The following FER1L6 variants were observed in gnomAD, a reference collection of about 807,000 sequenced individuals.
The protein encoded by FER1L6 is fer-1 like family member 6.
In FER1L6, 177 loss-of-function variants were observed where a neutral mutation model predicts 219.2. The observed-to-expected ratio is 0.81, with a 90% CI of 0.71 to 0.91. FER1L6 has a LOEUF of 0.91. Ranked by LOEUF, FER1L6 falls within the 40% of genes least tolerant of loss-of-function variation. FER1L6 has a pLI of 0.00. For synonymous variants in FER1L6, 768 were observed against 824.3 expected, an observed-to-expected ratio of 0.93 and a Z score of 1.17; for missense variants, 2,153 against 2,259.9, an observed-to-expected ratio of 0.95 and a Z score of 0.96.
At chr8:123,893,124 C>T (rs1183967191) in intron 1 of FER1L6, among the ~76,000 whole-genome samples, 1 of 152,122 alleles carries the variant, frequency 6.6e-6, no homozygotes, top group African/African-American at 2.4e-5. Flanking sequence ...TGTCCTAAGG[C>T]TTTTGTTATC....
chr8:123,966,368 A>G lies in FER1L6; in HGVS notation c.384+78A>G, dbSNP rs138150200. 2.2e-3 allele frequency: 3,410 copies of G among 1,574,064 alleles called. 73 individuals are homozygous for G. In the African/African-American group the frequency reaches 0.04, roughly 18 times the overall value. ...ATTCTGCAGGATCCTTCAGTCAAAC[A>G]AAGAGCTGTGCCCCTCCTGCCTCCC... is the stretch of plus-strand genomic sequence containing the variant. On this transcript the variant is annotated intron_variant, in intron 5 of 40. Coordinates refer to ENST00000522917, the MANE Select transcript of FER1L6 (RefSeq NM_001039112.2).
Position 124,069,455 on chromosome 8 carries a change from C to T in FER1L6, c.3814C>T (p.Pro1272Ser). 4 of 1,608,606 alleles carry T rather than the reference C, an allele frequency of 2.5e-6. No homozygotes were observed. Among genetic ancestry groups the T allele is most frequent in the Non-Finnish European group, 1.7e-6 (2 of 1,178,246 alleles). ...LKKKPKDDGI[P>S]NLAILQIYDG... The stretch of plus-strand genomic sequence containing the variant: ...GAAGAAACCCAAAGATGATGGAATC[C>T]CCAACCTGGCCATCTTGCAGGTATG... Residue 1272 changes from proline (P) to serine (S), a missense_variant, in exon 29 of 41, where the codon CCC becomes TCC. Pro to Ser is a moderately conservative substitution (Grantham distance 74, BLOSUM62 -1). Transcript: ENST00000522917.
At chr8:124,069,177 C>T (rs571044675) in intron 28 of FER1L6, among the ~76,000 whole-genome samples, 183 bp from the exon 29 acceptor site, 2 of 152,132 alleles carry the variant, frequency 1.3e-5, no homozygotes, top group Admixed American at 6.5e-5. Flanking sequence ...ACCTTGTGAT[C>T]TGCCTGCCTC....
chr8:123,948,080 G>C (rs1236504292), intron 1 of FER1L6, among the ~76,000 whole-genome samples: 2 of 152,190 alleles, frequency 1.3e-5, no homozygotes, highest in Non-Finnish European at 2.9e-5. Context: ...GGTTGAGCTG[G>C]TTTTTAAATT....
intron 3 of FER1L6, among the ~76,000 whole-genome samples, chr8:123,965,349 G>A (rs1391429514): frequency 6.6e-6 from 1 of 152,186 alleles, no homozygotes; most frequent in Middle Eastern, 3.2e-3. Context: ...CTCAAGCTCA[G>A]TTCATTTGCC....
chr8:124,105,303 T>C (rs1022435678), intron 39 of FER1L6, among the ~76,000 whole-genome samples: 1 of 152,194 alleles, frequency 6.6e-6, no homozygotes, highest in Non-Finnish European at 1.5e-5. Context: ...TGGCGTGTGA[T>C]GCATGAGGGC....
rs1197651896 is a variant in FER1L6 at position 124,119,873 on chromosome 8, T to C, written c.*83T>C. 9 of 1,432,734 alleles carry C rather than the reference T, an allele frequency of 6.3e-6. No homozygotes were observed. The highest frequency in any genetic ancestry group is 7.7e-6 in the Non-Finnish European group (8 of 1,043,316). 88.8% of individuals were successfully genotyped at this position (1,432,734 alleles called of 1,614,324 possible). On this transcript the variant is annotated 3_prime_UTR_variant, in exon 41 of 41. Coordinates refer to ENST00000522917, the MANE Select transcript of FER1L6 (RefSeq NM_001039112.2). Reference sequence around the variant, plus strand: ...AGCATCTAAGAACATGTCCCATGCATGGCACTGTGCTGAGTGCTAAGGGGA... The same window carrying C: ...AGCATCTAAGAACATGTCCCATGCACGGCACTGTGCTGAGTGCTAAGGGGA...
chr8:123,957,214 T>C (rs568110809), intron 2 of FER1L6, among the ~76,000 whole-genome samples: 1 of 152,312 alleles, frequency 6.6e-6, no homozygotes, highest in African/African-American at 2.4e-5. Context: ...AACCTATCCT[T>C]ATGGTAGAAA....
chr8:123,854,005 G>C (rs772225455), intron 1 of FER1L6, among the ~76,000 whole-genome samples: 5 of 152,176 alleles, frequency 3.3e-5, no homozygotes, highest in African/African-American at 7.2e-5. Flanking sequence ...GTTTACGTCT[G>C]AGTGCTGGCC....
In FER1L6 at chr8:123,980,744, C is replaced by A. The variant is rs199707703; in HGVS notation, c.1343C>A (p.Ser448Tyr). The change falls in exon 11 of 41, where the codon TCC becomes TAC. Residue 448 changes from serine to tyrosine, a missense_variant. Coordinates refer to ENST00000522917, the MANE Select transcript of FER1L6 (RefSeq NM_001039112.2). The stretch of plus-strand genomic sequence containing the variant: ...GCTGACAAAACTGAAGATGGAAAAT[C>A]CCAACAGGCTTCAAACAAAACTAAC... ...DKADKTEDGK[S>Y]QQASNKTNST... 1.3e-4 allele frequency: 210 copies of A among 1,614,146 alleles called. No homozygotes were observed. The highest frequency in any genetic ancestry group is 1.8e-4 in the Non-Finnish European group (207 of 1,180,024).
At chr8:123,928,742 C>A (rs985188517) in intron 1 of FER1L6, among the ~76,000 whole-genome samples, 1 of 152,178 alleles carries the variant, frequency 6.6e-6, no homozygotes, top group African/African-American at 2.4e-5. Context: ...CCAATGGATA[C>A]AACTGGAATC....
At chr8:123,939,088 T>C in intron 1 of FER1L6, 1 of 756,334 alleles carries the variant, frequency 1.3e-6, no homozygotes, top group Non-Finnish European at 1.6e-6. Context: ...TGAGGCTGTG[T>C]AGTAATGCCA....
At chr8:124,081,761 A>G (rs1225914623) in intron 32 of FER1L6, among the ~76,000 whole-genome samples, 2 of 152,184 alleles carry the variant, frequency 1.3e-5, no homozygotes, top group African/African-American at 4.8e-5. Flanking sequence ...TTGTTGATAA[A>G]GCAACAATGG....
At position 123,852,478 on chromosome 8, in the gene FER1L6, GTGT is replaced by G. The variant is rs1442123869; in HGVS notation, c.-8+294_-8+296del. On this transcript the variant is annotated intron_variant, in intron 1 of 40. Transcript: ENST00000522917. The surrounding 1 kb of genome is among the most constrained non-coding windows in gnomAD (Gnocchi z 4.9). ...CTCCATGTTGTGAGCATGCGTGTGT[GTGT>G]GTGTGTGTGTGTGTGTGTGTGTGTG... is the stretch of plus-strand genomic sequence containing the variant. Among the ~76,000 whole-genome samples the G allele has an allele frequency of 2.7e-5, 2 of 73,076 alleles. No individual in the cohort carries two copies. The highest frequency in any genetic ancestry group is 8.4e-5 in the African/African-American group (2 of 23,708). The allele number at this position is 73,076 out of a possible 152,430, so 47.9% of individuals were successfully genotyped here. A position where few individuals can be genotyped will look rare whatever the true frequency, so the allele number is the denominator to read the frequency against.
At chr8:123,936,462 G>GTTTTTTTT (rs779012175) in intron 1 of FER1L6, among the ~76,000 whole-genome samples, 14 of 97,926 alleles carry the variant, frequency 1.4e-4, no homozygotes, top group African/African-American at 3.1e-4. Context: ...ATTGCAGCCT[G>GTTTTTTTT]TTTTTTTTTT....
At chr8:124,015,248 G>C in intron 15 of FER1L6, among the ~76,000 whole-genome samples, 1 of 152,116 alleles carries the variant, frequency 6.6e-6, no homozygotes, top group East Asian at 1.9e-4. Context: ...CCTTCAAAGG[G>C]AGGGGATTAC....
intron 26 of FER1L6, among the ~76,000 whole-genome samples, chr8:124,065,225 C>T (rs1820774337): frequency 2.0e-5 from 3 of 151,348 alleles, no homozygotes. Context: ...GTAACTCCAT[C>T]TCTACTAAAA....
intron 1 of FER1L6, among the ~76,000 whole-genome samples, chr8:123,934,587 T>C (rs997025799): frequency 1.3e-5 from 2 of 152,040 alleles, no homozygotes; most frequent in African/African-American, 4.8e-5. Context: ...AATGTATGGC[T>C]GGAGGAGGCA....
rs1438470073 is a variant in FER1L6, at chr8:123,852,270, AG to A, written c.-8+87del. Reference sequence around the variant, plus strand: ...TCCAGAGCAAATGTGTATTCCAGTAAGGACAAAATGCTTCCCCTCCCTTCCA... The same window carrying A: ...TCCAGAGCAAATGTGTATTCCAGTAAGACAAAATGCTTCCCCTCCCTTCCA... On this transcript the variant is annotated intron_variant, in intron 1 of 40. Transcript: ENST00000522917. This position sits in a 1 kb window ranked among gnomAD's most constrained non-coding sequence, Gnocchi z 4.9. The A allele has an allele frequency of 6.6e-6, 1 of 152,262 alleles. No individual in the cohort carries two copies. Among genetic ancestry groups the A allele is most frequent in the Non-Finnish European group, 1.5e-5 (1 of 68,106 alleles). The allele number at this position is 152,262 out of a possible 1,614,324, so 9.4% of individuals were successfully genotyped here.
Sources: allele counts gnomAD v4.1 joint callset (sites outside exome capture counted in the v4.1 genomes callset), GRCh38; gene constraint gnomAD v4.1.1; non-coding constraint Gnocchi (gnomAD v3.1); transcripts MANE v1.5; gene names NCBI Gene and HGNC (gene_info 2026-07-23, HGNC 2026-07-21).